The following FHOD3 variants were observed in gnomAD, a reference collection of about 807,000 sequenced individuals.
FHOD3 encodes FH1/FH2 domain-containing protein 3.
FHOD3 carries 90 observed loss-of-function variants against 173.0 expected under a neutral mutation model. The observed-to-expected ratio is 0.52, with a 90% CI of 0.44 to 0.62. The LOEUF (loss-of-function observed/expected upper bound fraction) is 0.62. Ranked by LOEUF, FHOD3 falls within the 20% of genes least tolerant of loss-of-function variation. The pLI is 0.00. For missense variants in FHOD3, 1,945 were observed against 2,034.7 expected (o/e 0.96, Z 0.85); for synonymous variants, 828 against 823.0 (o/e 1.01, Z -0.10).
At chr18:36,342,691 TAA>T (rs2045682412) in intron 1 of FHOD3, among the ~76,000 whole-genome samples, 1 of 152,164 alleles carries the variant, frequency 6.6e-6, no homozygotes, top group Non-Finnish European at 1.5e-5. Context: ...TTATCAAAGT[TAA>T]AAACTTCTGT....
At chr18:36,298,847 G>C (rs1057471154) in intron 1 of FHOD3, among the ~76,000 whole-genome samples, 5 of 152,004 alleles carry the variant, frequency 3.3e-5, no homozygotes, top group Non-Finnish European at 7.4e-5. Flanking sequence ...GCAAAGAGGT[G>C]GGTATTGAAA....
At chr18:36,444,912 CA>C (rs765114727) in intron 3 of FHOD3, among the ~76,000 whole-genome samples, 5 of 152,310 alleles carry the variant, frequency 3.3e-5, no homozygotes, top group Non-Finnish European at 5.9e-5. Context: ...TAGCCTCATG[CA>C]TGTGTATTTT....
intron 4 of FHOD3, among the ~76,000 whole-genome samples, chr18:36,507,436 A>G (rs2055364130): frequency 6.6e-6 from 1 of 152,244 alleles, no homozygotes; most frequent in South Asian, 2.1e-4. Flanking sequence ...TATAAAAACA[A>G]TCTGAAACAC....
At chr18:36,552,555 G>A (rs2147378529) in intron 5 of FHOD3, among the ~76,000 whole-genome samples, 1 of 149,876 alleles carries the variant, frequency 6.7e-6, no homozygotes, top group African/African-American at 2.5e-5. Context: ...CTGGAGTGCA[G>A]TGGCGCGATC....
At chr18:36,600,450 A>G (rs1024946832) in intron 7 of FHOD3, among the ~76,000 whole-genome samples, 1 of 152,156 alleles carries the variant, frequency 6.6e-6, no homozygotes, top group African/African-American at 2.4e-5. Context: ...GTTGAACCAA[A>G]TGTTTCTTCC....
At chr18:36,323,105 C>T (rs571138839) in intron 1 of FHOD3, among the ~76,000 whole-genome samples, 5 of 152,212 alleles carry the variant, frequency 3.3e-5, no homozygotes, top group South Asian at 4.2e-4. Flanking sequence ...AGGGTGGCTG[C>T]GAGCCTGACA....
chr18:36,508,269 C>CTT (rs112692459), intron 4 of FHOD3, among the ~76,000 whole-genome samples: 1,475 of 146,032 alleles, frequency 0.01, 20 homozygotes, highest in African/African-American at 0.033. Context: ...AGCAAATAAG[C>CTT]TTTTTTTTTT....
intron 1 of FHOD3, among the ~76,000 whole-genome samples, chr18:36,344,205 C>A (rs1281547937): frequency 6.6e-6 from 1 of 152,128 alleles, no homozygotes. Flanking sequence ...AAAGAGAGTT[C>A]TTCAGGCAAA....
At chr18:36,712,489 G>A (rs1452178297) in intron 18 of FHOD3, among the ~76,000 whole-genome samples, 2 of 152,074 alleles carry the variant, frequency 1.3e-5, no homozygotes, top group African/African-American at 4.8e-5. Flanking sequence ...AATACTTACT[G>A]GATGGGCTTA....
chr18:36,351,953 C>G (rs2046146308), intron 1 of FHOD3, among the ~76,000 whole-genome samples: 1 of 152,154 alleles, frequency 6.6e-6, no homozygotes, highest in South Asian at 2.1e-4. Flanking sequence ...ACTGATAAGC[C>G]TGGGTAAGGG....
chr18:36,412,794 A>G (rs1243189686), intron 3 of FHOD3, among the ~76,000 whole-genome samples: 1 of 152,252 alleles, frequency 6.6e-6, no homozygotes, highest in East Asian at 1.9e-4. Context: ...TTGTACAAAA[A>G]GCCGATATAT....
chr18:36,473,982 C>T (rs2053424645), intron 3 of FHOD3, among the ~76,000 whole-genome samples: 1 of 152,194 alleles, frequency 6.6e-6, no homozygotes, highest in African/African-American at 2.4e-5. Context: ...ATCCCACATC[C>T]CACCCTTCCT....
intron 4 of FHOD3, among the ~76,000 whole-genome samples, chr18:36,511,530 G>A (rs1187574543): frequency 6.6e-6 from 1 of 152,060 alleles, no homozygotes; most frequent in Non-Finnish European, 1.5e-5. Context: ...ATCCATCTGG[G>A]TAAGGTCCTG....
Position 36,718,146 on chromosome 18 carries a change from G to C in FHOD3, c.2848G>C (p.Gly950Arg). 6.2e-7 allele frequency: 1 copy of C among 1,608,588 alleles called. No homozygotes were observed. Among genetic ancestry groups the C allele is most frequent in the Non-Finnish European group, 8.5e-7 (1 of 1,177,166 alleles). The stretch of plus-strand genomic sequence containing the variant: ...TGAGAAATTCAACAGTGGGGACCTG[G>C]GGAGAGGTTCCATCTCCCCTGATGC... ...FAEKFNSGDL[G>R]RGSISPDAEP... is the part of the protein sequence containing the mutation. The change falls in exon 19 of 29, where the codon GGG becomes CGG. Residue 950 changes from glycine (G) to arginine (R), a missense_variant. This residue lies in a region of FHOD3 where 1,099 missense variants were observed against 1,051.2 expected (regional missense o/e 1.05). Coordinates refer to ENST00000590592, the MANE Select transcript of FHOD3 (RefSeq NM_001281740.3).
chr18:36,491,576 C>G (rs1388047541), intron 3 of FHOD3, among the ~76,000 whole-genome samples: 1 of 152,154 alleles, frequency 6.6e-6, no homozygotes, highest in Admixed American at 6.5e-5. Flanking sequence ...TCATCCTTCC[C>G]TCCCTCCTCC....
intron 10 of FHOD3, among the ~76,000 whole-genome samples, chr18:36,639,720 G>A: frequency 6.6e-6 from 1 of 151,722 alleles, no homozygotes; most frequent in East Asian, 1.9e-4. Flanking sequence ...CTACTCGGGA[G>A]GCTGAGGCAG....
At chr18:36,627,143 T>G (rs1298937452) in intron 10 of FHOD3, among the ~76,000 whole-genome samples, 1 of 152,212 alleles carries the variant, frequency 6.6e-6, no homozygotes, top group Non-Finnish European at 1.5e-5. Flanking sequence ...ATCTAGAATC[T>G]TAAAGAAACT....
intron 22 of FHOD3, among the ~76,000 whole-genome samples, chr18:36,743,349 G>A (rs563900347): frequency 3.7e-4 from 52 of 141,642 alleles, no homozygotes; most frequent in Admixed American, 2.3e-3. Flanking sequence ...TATCAGGGCC[G>A]ATTTATTTCA....
intron 1 of FHOD3, among the ~76,000 whole-genome samples, chr18:36,350,315 A>G (rs2046063671): frequency 6.6e-6 from 1 of 152,156 alleles, no homozygotes; most frequent in African/African-American, 2.4e-5. Flanking sequence ...TCCCACCAGA[A>G]TCCTGGCCAC....
Sources: gnomAD v4.1 joint callset for allele counts (sites outside exome capture counted in the v4.1 genomes callset) on GRCh38, gnomAD v4.1.1 for gene constraint, gnomAD v4.1.1 regional missense constraint, MANE v1.5 for transcripts, NCBI Gene and HGNC (gene_info 2026-07-23, HGNC 2026-07-21) for gene names.